The following DCAF8L2 variants were observed in gnomAD, a reference collection of about 807,000 sequenced individuals.
DCAF8L2 encodes the protein DDB1- and CUL4-associated factor 8-like protein 2.
For synonymous variants in DCAF8L2, 200 were observed against 190.9 expected (o/e 1.05, Z -0.39); for missense variants, 430 against 490.7 (o/e 0.88, Z 1.17).
chrX:27,558,189 G>A, the DCAF8L2 span, among the ~76,000 whole-genome samples: 2 of 111,433 alleles, frequency 1.8e-5, no homozygotes, highest in East Asian at 2.8e-4. Context: ...GCACAAGGGG[G>A]TACCAAGAAG....
the DCAF8L2 span, among the ~76,000 whole-genome samples, chrX:27,575,295 C>T: frequency 9.0e-6 from 1 of 111,490 alleles, no homozygotes; most frequent in Admixed American, 9.5e-5. Flanking sequence ...GTGCTCATCT[C>T]GATGTCTGGC....
chrX:27,578,732 A>G, the DCAF8L2 span, among the ~76,000 whole-genome samples: 1 of 111,629 alleles, frequency 9.0e-6, no homozygotes, highest in Non-Finnish European at 1.9e-5. Flanking sequence ...CCCATTAAAA[A>G]GTGGGCAAGG....
At chrX:27,529,651 A>AT in the DCAF8L2 span, among the ~76,000 whole-genome samples, 1 of 112,053 alleles carries the variant, frequency 8.9e-6, no homozygotes, top group Admixed American at 9.5e-5. Context: ...AGTGATAGAT[A>AT]TTTTTAAGCA....
chrX:27,724,066 CAATAAA>C (rs1441524982), intron 4 of DCAF8L2, among the ~76,000 whole-genome samples: 1 of 109,789 alleles, frequency 9.1e-6, no homozygotes, highest in Non-Finnish European at 1.9e-5. Context: ...AGAAAAAATG[CAATAAA>C]AATATTTATC....
chrX:27,620,009 A>T (rs1036353222), intron 1 of DCAF8L2, among the ~76,000 whole-genome samples: 12 of 111,944 alleles, frequency 1.1e-4, no homozygotes, highest in African/African-American at 3.9e-4. Context: ...AAAATTTCGA[A>T]TTTTAAAACA....
chrX:27,483,269 C>T, the DCAF8L2 span, among the ~76,000 whole-genome samples: 1 of 111,302 alleles, frequency 9.0e-6, no homozygotes, highest in Non-Finnish European at 1.9e-5. Flanking sequence ...AAGATAATAA[C>T]GTCCTGTTAC....
the DCAF8L2 span, among the ~76,000 whole-genome samples, chrX:27,535,058 C>T: frequency 8.9e-6 from 1 of 112,370 alleles, no homozygotes; most frequent in East Asian, 2.8e-4. Context: ...ATACTTTAAA[C>T]TCTCTAGTCT....
chrX:27,722,619 TG>T (rs1931937234), intron 4 of DCAF8L2, among the ~76,000 whole-genome samples: 1 of 111,166 alleles, frequency 9.0e-6, no homozygotes, highest in Non-Finnish European at 1.9e-5. Context: ...ATTCACAAGT[TG>T]AACCATTGTA....
At chrX:27,558,672 A>G in the DCAF8L2 span, among the ~76,000 whole-genome samples, 1 of 109,223 alleles carries the variant, frequency 9.2e-6, no homozygotes, top group Non-Finnish European at 1.9e-5. Flanking sequence ...GGTTAGTTAC[A>G]TATGTATACA....
At chrX:27,537,601 A>G in the DCAF8L2 span, among the ~76,000 whole-genome samples, 1 of 112,452 alleles carries the variant, frequency 8.9e-6, no homozygotes, top group African/African-American at 3.2e-5. Flanking sequence ...AGAGATTTAC[A>G]AACTGATTAC....
chrX:27,547,845 T>TCTTTC, the DCAF8L2 span, among the ~76,000 whole-genome samples: 1 of 46,289 alleles, frequency 2.2e-5, no homozygotes, highest in African/African-American at 7.3e-5. Context: ...CTCTCTCTCT[T>TCTTTC]TCTCTCTCTC....
chrX:27,534,396 C>T, the DCAF8L2 span, among the ~76,000 whole-genome samples: 7 of 111,424 alleles, frequency 6.3e-5, no homozygotes, highest in Admixed American at 5.8e-4. Context: ...TACATATATA[C>T]GTGCATGCAT....
intron 2 of DCAF8L2, among the ~76,000 whole-genome samples, chrX:27,637,306 C>T (rs185449822): frequency 1.8e-5 from 2 of 112,212 alleles, no homozygotes; most frequent in Admixed American, 1.9e-4. Context: ...TGTGGCATCC[C>T]TATTTCAGGG....
At chrX:27,557,181 C>A in the DCAF8L2 span, among the ~76,000 whole-genome samples, 2 of 111,991 alleles carry the variant, frequency 1.8e-5, no homozygotes, top group African/African-American at 3.2e-5. Flanking sequence ...AATGTAAATT[C>A]TTTTGTGCCA....
rs1266064886 is a variant in DCAF8L2, at chrX:27,677,491, G to A, written c.-219-345G>A. Among the ~76,000 whole-genome samples the A allele has an allele frequency of 2.7e-5, 3 of 111,737 alleles. No homozygotes were observed. The South Asian group carries it at 1.1e-3, about 41-fold the overall frequency. On this transcript the variant is annotated intron_variant, in intron 2 of 4. Coordinates refer to ENST00000451261, the MANE Select transcript of DCAF8L2 (RefSeq NM_001353450.2). Reference sequence around the variant, plus strand: ...AGCTTCCATGTGGTGATGAAGAATGGAGGATAGTTTCCCAGTTGAAGAGAA... The same window carrying A: ...AGCTTCCATGTGGTGATGAAGAATGAAGGATAGTTTCCCAGTTGAAGAGAA...
chrX:27,497,177 A>G, the DCAF8L2 span, among the ~76,000 whole-genome samples: 2 of 111,462 alleles, frequency 1.8e-5, no homozygotes, highest in African/African-American at 6.5e-5. Context: ...ATGAAGCTAC[A>G]CGCGATAGAA....
intron 1 of DCAF8L2, among the ~76,000 whole-genome samples, chrX:27,595,946 T>C (rs980127717): frequency 2.7e-5 from 3 of 111,655 alleles, no homozygotes; most frequent in Non-Finnish European, 3.8e-5. Flanking sequence ...AGGAGGATCA[T>C]TGAACCCAGG....
intron 4 of DCAF8L2, among the ~76,000 whole-genome samples, chrX:27,734,506 A>G (rs974740238): frequency 1.8e-5 from 2 of 112,210 alleles, no homozygotes; most frequent in African/African-American, 6.5e-5. Flanking sequence ...CACATTAGGA[A>G]TAAAGACAGA....
At chrX:27,483,872 G>C in the DCAF8L2 span, among the ~76,000 whole-genome samples, 38 of 111,072 alleles carry the variant, frequency 3.4e-4, no homozygotes, top group East Asian at 0.01. Context: ...GAAAAGAACT[G>C]TGGCCTTCAT....
Sources: gnomAD v4.1 joint callset for allele counts (sites outside exome capture counted in the v4.1 genomes callset) on GRCh38, gnomAD v4.1.1 for gene constraint, MANE v1.5 for transcripts, NCBI Gene and HGNC (gene_info 2026-07-23, HGNC 2026-07-21) for gene names.